The following EPB41 variants were observed in gnomAD, a reference collection of about 807,000 sequenced individuals.
EPB41 encodes protein 4.1.
A neutral mutation model predicts 108.0 loss-of-function variants in EPB41; 65 were observed. The ratio of observed to expected loss-of-function variants is 0.60; its 90% confidence interval spans 0.49 to 0.74. EPB41 has a LOEUF of 0.74. EPB41 is among the 30% of genes least tolerant of loss of function. The pLI is 0.00. For missense variants in EPB41, 875 were observed against 1,037.0 expected, an observed-to-expected ratio of 0.84 and a Z score of 2.15; for synonymous variants, 336 against 358.9, an observed-to-expected ratio of 0.94 and a Z score of 0.72.
At position 29,118,530 on chromosome 1, in the gene EPB41, A is replaced by T. The variant is rs1214323811; in HGVS notation, c.*1718A>T. On this transcript the variant is annotated 3_prime_UTR_variant, in exon 21 of 21. Coordinates refer to ENST00000343067, the MANE Select transcript of EPB41 (RefSeq NM_001376013.1). ...CTAAAATAGACAGTGGGTATCGGGC[A>T]GCAGTCACTGGGGCTCAAGGGCAGT... The T allele has an allele frequency of 4.6e-5, 7 of 152,286 alleles. 1 individual carries two copies. The highest frequency in any genetic ancestry group is 4.6e-4 in the Admixed American group (7 of 15,270). 9.4% of individuals were successfully genotyped at this position (152,286 alleles called of 1,614,324 possible).
chr1:29,015,906 A>C, intron 6 of EPB41, 139 bp downstream of exon 6: 2 of 635,860 alleles, frequency 3.1e-6, no homozygotes, highest in Non-Finnish European at 5.5e-6. Flanking sequence ...CCTAGGATTG[A>C]AAGTTTCTGG....
At chr1:29,035,303 A>C (rs569752578) in intron 9 of EPB41, among the ~76,000 whole-genome samples, 43 of 152,192 alleles carry the variant, frequency 2.8e-4, no homozygotes, top group African/African-American at 9.4e-4. Context: ...TTTCAAAACA[A>C]CATGTTGTAG....
At chr1:28,934,666 T>TTTGTGTGTGTG (rs1553174370) in intron 1 of EPB41, among the ~76,000 whole-genome samples, 5,991 of 136,370 alleles carry the variant, frequency 0.044, 263 homozygotes, top group East Asian at 0.15. Context: ...TCTTTTGACA[T>TTTGTGTGTGTG]TGTGTGTGTG....
chr1:28,894,142 A>G (rs1455769238), intron 1 of EPB41, among the ~76,000 whole-genome samples: 3 of 152,212 alleles, frequency 2.0e-5, no homozygotes, highest in Admixed American at 1.3e-4. Flanking sequence ...CGTCTGCAAA[A>G]TAAGAATATG....
At position 29,117,723 on chromosome 1, in the gene EPB41, AGGTTTT is replaced by A. The variant is rs1671232443; in HGVS notation, c.*912_*917del. On this transcript the variant is annotated 3_prime_UTR_variant, in exon 21 of 21. Transcript: ENST00000343067. ...GAAAGTTAATGAGGTTTTTAAAATA[AGGTTTT>A]CTAGTTTTGAGAGTGTGCACTTCAC... The A allele has an allele frequency of 6.6e-6, 1 of 152,606 alleles. No homozygotes were observed. Among genetic ancestry groups the A allele is most frequent in the Non-Finnish European group, 1.5e-5 (1 of 68,026 alleles). The allele number at this position is 152,606 out of a possible 1,614,324, so 9.5% of individuals were successfully genotyped here. A position where few individuals can be genotyped will look rare whatever the true frequency, so the allele number is the denominator to read the frequency against.
intron 1 of EPB41, chr1:28,982,345 T>TG (rs1426904335): frequency 5.7e-5 from 38 of 669,954 alleles, no homozygotes; most frequent in Admixed American, 1.9e-4. Context: ...AAACTTGACC[T>TG]TGGCCTCTCG....
intron 3 of EPB41, among the ~76,000 whole-genome samples, chr1:28,994,923 G>A (rs1051510420): frequency 2.8e-5 from 3 of 106,192 alleles, no homozygotes; most frequent in African/African-American, 4.0e-5. Flanking sequence ...GCCTCCCAAA[G>A]TACTAAGATT....
At chr1:29,011,041 C>T (rs369246219) in intron 4 of EPB41, among the ~76,000 whole-genome samples, 64 of 151,472 alleles carry the variant, frequency 4.2e-4, no homozygotes, top group African/African-American at 1.5e-3. Flanking sequence ...TCACTTGAAC[C>T]CGGGAGGCGG....
intron 12 of EPB41, among the ~76,000 whole-genome samples, chr1:29,057,433 G>C (rs1435880667): frequency 6.6e-5 from 10 of 151,148 alleles, no homozygotes; most frequent in South Asian, 4.2e-4. Context: ...ATTACCCCTG[G>C]TAGTTAAAGT....
intron 1 of EPB41, among the ~76,000 whole-genome samples, chr1:28,923,523 G>T (rs1288607859): frequency 6.6e-6 from 1 of 152,098 alleles, no homozygotes; most frequent in African/African-American, 2.4e-5. Context: ...GTCTCCTAAA[G>T]ATGATGCCTA....
At chr1:29,043,372 A>G (rs2985338) in intron 11 of EPB41, among the ~76,000 whole-genome samples, 51,445 of 152,088 alleles carry the variant, frequency 0.34, 10,840 homozygotes, top group African/African-American at 0.59. Context: ...AAGTCCTGAA[A>G]GTAGGAATGA....
intron 3 of EPB41, 111 bp downstream of exon 3, chr1:28,993,653 T>A (rs1403514556): frequency 3.3e-6 from 3 of 913,436 alleles, no homozygotes; most frequent in Admixed American, 5.5e-5. Context: ...ATTATTTCTT[T>A]TTTCTTTTTT....
chr1:28,919,329 T>C (rs2092905358), intron 1 of EPB41, among the ~76,000 whole-genome samples: 1 of 152,188 alleles, frequency 6.6e-6, no homozygotes, highest in African/African-American at 2.4e-5. Context: ...GACTTTAATA[T>C]CCCCTACCCG....
intron 17 of EPB41, among the ~76,000 whole-genome samples, chr1:29,102,674 G>C (rs998153013): frequency 6.6e-6 from 1 of 151,894 alleles, no homozygotes; most frequent in Admixed American, 6.6e-5. Flanking sequence ...TGCAACCTCT[G>C]CCTCCCGAGT....
chr1:28,890,196 C>G (rs2089971318), intron 1 of EPB41, among the ~76,000 whole-genome samples: 1 of 151,964 alleles, frequency 6.6e-6, no homozygotes, highest in East Asian at 1.9e-4. Flanking sequence ...TGCCACCATG[C>G]CTGGCTAATT....
At chr1:28,917,246 CTCTG>C (rs1365084400) in intron 1 of EPB41, among the ~76,000 whole-genome samples, 5 of 151,526 alleles carry the variant, frequency 3.3e-5, no homozygotes, top group Admixed American at 2.0e-4. Context: ...CCATCTCTCT[CTCTG>C]TGTGTGTGTG....
intron 4 of EPB41, among the ~76,000 whole-genome samples, chr1:29,006,008 A>G (rs935008595): frequency 2.6e-5 from 4 of 152,216 alleles, no homozygotes; most frequent in Non-Finnish European, 4.4e-5. Flanking sequence ...CTTCAAAAAG[A>G]ATCCATACCA....
At chr1:28,913,170 C>T (rs914982952), upstream of EPB41, among the ~76,000 whole-genome samples, 1 of 151,584 alleles carries the variant, frequency 6.6e-6, no homozygotes, top group Non-Finnish European at 1.5e-5. Context: ...GAGGCACAGC[C>T]GGGCGCGGTG....
At chr1:29,029,518 G>A in intron 7 of EPB41, among the ~76,000 whole-genome samples, 1 of 152,160 alleles carries the variant, frequency 6.6e-6, no homozygotes, top group East Asian at 1.9e-4. Context: ...GGCGTTTACT[G>A]TTTTTTCCTT....
Sources: allele counts gnomAD v4.1 joint callset (sites outside exome capture counted in the v4.1 genomes callset), GRCh38; gene constraint gnomAD v4.1.1; transcripts MANE v1.5; gene names NCBI Gene and HGNC (gene_info 2026-07-23, HGNC 2026-07-21).